Variants in ASIC5 observed in about 807,000 individuals in gnomAD.
The protein encoded by ASIC5 is acid sensing ion channel subunit family member 5, also known as bile acid-sensitive ion channel.
Under a neutral mutation model 51.2 loss-of-function variants are expected in ASIC5, and 52 were observed. The observed-to-expected ratio is 1.02, with a 90% CI of 0.81 to 1.28. The LOEUF (loss-of-function observed/expected upper bound fraction) is 1.28. Among genes scored for constraint, ASIC5 ranks in the 50% most tolerant of loss-of-function variants. The pLI is 0.00. For synonymous variants in ASIC5, 231 were observed against 200.7 expected, an observed-to-expected ratio of 1.15 and a Z score of -1.28; for missense variants, 635 against 595.0, an observed-to-expected ratio of 1.07 and a Z score of -0.70.
chr4:155,835,796 G>A (rs1459841858), intron 8 of ASIC5, among the ~76,000 whole-genome samples: 1 of 152,046 alleles, frequency 6.6e-6, no homozygotes, highest in Non-Finnish European at 1.5e-5. Flanking sequence ...TTTCTGTAAA[G>A]ATCACTTTGT....
intron 6 of ASIC5, 122 bp from the exon 7 acceptor site, chr4:155,838,991 T>C (rs189342650): frequency 4.9e-5 from 29 of 593,420 alleles, no homozygotes; most frequent in African/African-American, 7.6e-5. Context: ...CATTCTTCTA[T>C]ATGAACATCT....
chr4:155,841,495 C>T lies in ASIC5; in HGVS notation c.1009+712G>A, dbSNP rs545096806. 4.9e-4 allele frequency among the ~76,000 whole-genome samples: 75 copies of T among 152,210 alleles called. 2 individuals are homozygous for T. The South Asian group carries it at 0.012, about 24-fold the overall frequency. ...GAAATTGTAGAGCCGACATGAGCAGCCTGGTTGAGATCCAGCTCTTATTCA... is the reference window on the plus strand; with the variant it reads ...GAAATTGTAGAGCCGACATGAGCAGTCTGGTTGAGATCCAGCTCTTATTCA... On this transcript the variant is annotated intron_variant, in intron 6 of 9. Coordinates refer to ENST00000537611, the MANE Select transcript of ASIC5 (RefSeq NM_017419.3).
intron 7 of ASIC5, among the ~76,000 whole-genome samples, chr4:155,838,140 T>C (rs1374602001): frequency 6.6e-6 from 1 of 152,144 alleles, no homozygotes; most frequent in East Asian, 1.9e-4. Context: ...ATTTCCACAA[T>C]GGGTTAGAAA....
chr4:155,838,749 G>T, intron 7 of ASIC5, 64 bp downstream of exon 7: 1 of 962,388 alleles, frequency 1.0e-6, no homozygotes, highest in Non-Finnish European at 1.6e-6. Flanking sequence ...TTGACTTAAT[G>T]TCTTATATTA....
chr4:155,860,815 A>C (rs1741683886), intron 2 of ASIC5, among the ~76,000 whole-genome samples: 1 of 151,958 alleles, frequency 6.6e-6, no homozygotes, highest in South Asian at 2.1e-4. Flanking sequence ...TTCCATACCC[A>C]AAATTATAAA....
Position 155,863,722 on chromosome 4 carries a change from T to C in ASIC5, c.73A>G (p.Lys25Glu). Residue 25 changes from lysine to glutamate, a missense_variant, in exon 2 of 10, where the codon AAG becomes GAG. Transcript: ENST00000537611. ...LLEKIKLCLS[K>E]KPLPSPTERK... ...TCAGTGGGAGATGGCAGTGGTTTCT[T>C]TGAAAGGCAAAGCTTTATCTTTTCT... is the stretch of plus-strand genomic sequence containing the variant. 6.2e-7 allele frequency: 1 copy of C among 1,613,704 alleles called. No individual in the cohort carries two copies. Among genetic ancestry groups the C allele is most frequent in the Non-Finnish European group, 8.5e-7 (1 of 1,179,840 alleles).
intron 2 of ASIC5, among the ~76,000 whole-genome samples, chr4:155,862,214 G>A (rs948857854): frequency 2.0e-5 from 3 of 151,922 alleles, no homozygotes; most frequent in Non-Finnish European, 4.4e-5. Flanking sequence ...TTTTTGGGGG[G>A]AAAGGATTGA....
intron 2 of ASIC5, among the ~76,000 whole-genome samples, chr4:155,856,222 G>A (rs1389400943): frequency 6.6e-6 from 1 of 152,054 alleles, no homozygotes; most frequent in Admixed American, 6.6e-5. Flanking sequence ...AAATATCATT[G>A]TAAGCCTTTT....
rs761972592 is a variant in ASIC5, at chr4:155,836,823, T to A, written c.1101A>T (p.Gly367=). The A allele has an allele frequency of 6.2e-7, 1 of 1,609,646 alleles. No individual in the cohort carries two copies. Among genetic ancestry groups the A allele is most frequent in the Non-Finnish European group, 8.5e-7 (1 of 1,176,606 alleles). The change falls in exon 8 of 10, where the codon GGA becomes GGT. Residue 367 remains glycine (G), a synonymous_variant. Coordinates refer to ENST00000537611, the MANE Select transcript of ASIC5 (RefSeq NM_017419.3). The part of the protein sequence containing the change: ...HIEFKDLCTV[G]THNSSCPVSC... ...AAACGGGGCAGCTAGAGTTATGTGTTCCTACTGTACATAAATCCTTAAATT... is the reference window on the plus strand; with the variant it reads ...AAACGGGGCAGCTAGAGTTATGTGTACCTACTGTACATAAATCCTTAAATT...
At chr4:155,830,452 C>T (rs746618678) in intron 9 of ASIC5, among the ~76,000 whole-genome samples, 3 of 152,158 alleles carry the variant, frequency 2.0e-5, no homozygotes, top group African/African-American at 7.2e-5. Flanking sequence ...CAAGTTGTGA[C>T]ATCAAGTGTC....
chr4:155,841,859 A>G (rs1205021041), intron 6 of ASIC5, among the ~76,000 whole-genome samples: 3 of 152,144 alleles, frequency 2.0e-5, no homozygotes, highest in African/African-American at 7.2e-5. Context: ...TACCTGGCAA[A>G]TGGATAATTT....
At chr4:155,838,294 A>G (rs1741035118) in intron 7 of ASIC5, among the ~76,000 whole-genome samples, 1 of 151,642 alleles carries the variant, frequency 6.6e-6, no homozygotes, top group Non-Finnish European at 1.5e-5. Context: ...AGGTTAAGGT[A>G]AGAGGTGTGA....
intron 9 of ASIC5, 42 bp from the exon 10 acceptor site, chr4:155,830,088 T>TA (rs1297688880): frequency 7.3e-7 from 1 of 1,362,486 alleles, no homozygotes. Flanking sequence ...TTATTTTTCA[T>TA]AAAAAACAAA....
chr4:155,855,489 A>G (rs1274892382), intron 2 of ASIC5, among the ~76,000 whole-genome samples: 2 of 151,924 alleles, frequency 1.3e-5, no homozygotes, highest in African/African-American at 4.8e-5. Context: ...ATTCCTTTAC[A>G]AACATGATGA....
chr4:155,837,656 A>AG (rs1741016585), intron 7 of ASIC5, among the ~76,000 whole-genome samples: 2 of 151,958 alleles, frequency 1.3e-5, no homozygotes, highest in Non-Finnish European at 2.9e-5. Context: ...TCAGACTCTA[A>AG]CTTTGACTTC....
chr4:155,838,787 A>C (rs1426107027), intron 7 of ASIC5, 26 bp downstream of exon 7: 3 of 1,465,162 alleles, frequency 2.0e-6, no homozygotes, highest in South Asian at 1.2e-5. Flanking sequence ...ATAAATCCTG[A>C]AAATAAAAGT....
In ASIC5 at chr4:155,859,545, C is replaced by CA. The variant is rs899240172; in HGVS notation, c.347+3902dup. The stretch of plus-strand genomic sequence containing the variant: ...ATTTTCTACTCACAAGGTGGTTAAA[C>CA]AAAAAAAGTATAGAAATTGGGATCT... On this transcript the variant is annotated intron_variant, in intron 2 of 9. Coordinates refer to ENST00000537611, the MANE Select transcript of ASIC5 (RefSeq NM_017419.3). Among the ~76,000 whole-genome samples, 14 of 151,838 alleles carry CA rather than the reference C, an allele frequency of 9.2e-5. 1 individual carries two copies. The highest frequency in any genetic ancestry group is 5.8e-4 in the East Asian group (3 of 5,148).
At chr4:155,844,326 CA>C (rs372700628) in intron 4 of ASIC5, among the ~76,000 whole-genome samples, 7 of 151,722 alleles carry the variant, frequency 4.6e-5, no homozygotes, top group African/African-American at 1.7e-4. Flanking sequence ...AACAAACAAA[CA>C]AAAAAAACTC....
chr4:155,845,993 T>C (rs1741233947), intron 4 of ASIC5, among the ~76,000 whole-genome samples: 1 of 152,076 alleles, frequency 6.6e-6, no homozygotes, highest in East Asian at 1.9e-4. Flanking sequence ...ACCTAATATG[T>C]CTATGTATTT....
Sources: allele counts gnomAD v4.1 joint callset (sites outside exome capture counted in the v4.1 genomes callset), GRCh38; gene constraint gnomAD v4.1.1; transcripts MANE v1.5; gene names NCBI Gene and HGNC (gene_info 2026-07-23, HGNC 2026-07-21).